Variants in TGM2 observed in about 807,000 individuals in gnomAD.
The protein encoded by TGM2 is protein-glutamine gamma-glutamyltransferase 2.
In TGM2, 53 loss-of-function variants were observed where a neutral mutation model predicts 75.6. The ratio of observed to expected loss-of-function variants is 0.70; its 90% CI spans 0.56 to 0.88. The LOEUF (loss-of-function observed/expected upper bound fraction) is 0.88. TGM2 is among the 40% of genes least tolerant of loss of function. The pLI, the probability that TGM2 is intolerant of heterozygous loss-of-function variation, is 0.00. For synonymous variants in TGM2, 374 were observed against 381.1 expected (o/e 0.98, Z 0.22); for missense variants, 842 against 928.5 (o/e 0.91, Z 1.21).
At chr20:38,164,099 A>C (rs957468072) in intron 1 of TGM2, among the ~76,000 whole-genome samples, 4 of 152,172 alleles carry the variant, frequency 2.6e-5, no homozygotes, top group African/African-American at 9.7e-5. Flanking sequence ...TCCCAGCCCC[A>C]CTGAGCCCTG....
intron 5 of TGM2, 57 bp from the exon 6 acceptor site, chr20:38,146,951 G>A (rs542664390): frequency 1.4e-5 from 21 of 1,555,462 alleles, no homozygotes; most frequent in South Asian, 1.0e-4. Flanking sequence ...CGGCTGTGCC[G>A]CCTGGGTGAG....
chr20:38,161,733 C>T, intron 1 of TGM2, 134 bp from the exon 2 acceptor site: 2 of 1,067,570 alleles, frequency 1.9e-6, no homozygotes, highest in East Asian at 2.5e-5. Flanking sequence ...TTCGACTGAC[C>T]TGTCTCCCCA....
intron 2 of TGM2, among the ~76,000 whole-genome samples, chr20:38,157,858 T>C (rs751062920): frequency 6.6e-6 from 1 of 152,156 alleles, no homozygotes; most frequent in African/African-American, 2.4e-5. Flanking sequence ...CTATCGTCAG[T>C]GTTATTAAAA....
At chr20:38,148,336 G>C (rs1009967654) in intron 4 of TGM2, among the ~76,000 whole-genome samples, 1 of 152,210 alleles carries the variant, frequency 6.6e-6, no homozygotes, top group Non-Finnish European at 1.5e-5. Flanking sequence ...CCAGGGCCTG[G>C]TTGGGGGAAC....
In TGM2 at chr20:38,128,577, T is replaced by C. The variant is rs2074790453; in HGVS notation, c.*1642A>G. Reference sequence around the variant, plus strand: ...ATAAAACCGTAGAGAAATAGAGCTCTATGTATAGAGAAAATATACATGTTG... The same window carrying C: ...ATAAAACCGTAGAGAAATAGAGCTCCATGTATAGAGAAAATATACATGTTG... On this transcript the variant is annotated 3_prime_UTR_variant, in exon 13 of 13. Transcript: ENST00000361475. 1 of 152,256 alleles carries C rather than the reference T, an allele frequency of 6.6e-6. No homozygotes were observed. Among genetic ancestry groups the C allele is most frequent in the South Asian group, 2.1e-4 (1 of 4,836 alleles). The allele number at this position is 152,256 out of a possible 1,614,324, so 9.4% of individuals were successfully genotyped here.
intron 10 of TGM2, among the ~76,000 whole-genome samples, chr20:38,135,562 CAGCA>C (rs2074889683): frequency 2.0e-5 from 3 of 152,144 alleles, no homozygotes; most frequent in African/African-American, 7.2e-5. Flanking sequence ...AGGCAGCAGG[CAGCA>C]GGCAGCAGGA....
At chr20:38,155,310 T>C (rs1430702656) in intron 3 of TGM2, among the ~76,000 whole-genome samples, 1 of 152,078 alleles carries the variant, frequency 6.6e-6, no homozygotes, top group African/African-American at 2.4e-5. Flanking sequence ...CCTTGGTAAA[T>C]ATGTGGAATT....
Position 38,161,451 on chromosome 20 carries a change from A to G in TGM2, c.159T>C (p.Ser53=), listed in dbSNP as rs1004407317. ...CGACACTGAAGGTGAGACTGTCTACACTGGCCTCGTAGTTGCGGCCCTCAA... is the reference window on the plus strand; with the variant it reads ...CGACACTGAAGGTGAGACTGTCTACGCTGGCCTCGTAGTTGCGGCCCTCAA... ...LHFEGRNYEA[S]VDSLTFSVVT... The change falls in exon 2 of 13, where the codon AGT becomes AGC. Residue 53 remains serine (S), a synonymous_variant. Coordinates refer to ENST00000361475, the MANE Select transcript of TGM2 (RefSeq NM_004613.4). 1 of 1,614,156 alleles carries G rather than the reference A, an allele frequency of 6.2e-7. No homozygotes were observed. The highest frequency in any genetic ancestry group is 1.1e-5 in the South Asian group (1 of 91,076).
intron 3 of TGM2, among the ~76,000 whole-genome samples, chr20:38,155,531 G>A (rs1162688296): frequency 8.6e-5 from 13 of 151,982 alleles, no homozygotes; most frequent in Admixed American, 8.5e-4. Context: ...TTTTTGTAGA[G>A]ACAGGGTCTT....
At chr20:38,167,646 G>A (rs1428661466), upstream of TGM2, among the ~76,000 whole-genome samples, 1 of 152,178 alleles carries the variant, frequency 6.6e-6, no homozygotes. Flanking sequence ...GCCCACGAGA[G>A]ATTTTTAAAC....
intron 4 of TGM2, among the ~76,000 whole-genome samples, chr20:38,150,441 A>C (rs1011790075): frequency 6.6e-5 from 10 of 152,198 alleles, no homozygotes; most frequent in African/African-American, 2.4e-4. Flanking sequence ...TTCCCAAAGT[A>C]TGGTTATTAG....
At chr20:38,165,671 A>AACACAC (rs71833660), upstream of TGM2, among the ~76,000 whole-genome samples, 5,467 of 143,246 alleles carry the variant, frequency 0.038, 134 homozygotes, top group Non-Finnish European at 0.048. Context: ...CCCCACCCCC[A>AACACAC]ACACACACAC....
Position 38,141,313 on chromosome 20 carries a change from G to A in TGM2, c.1068C>T (p.Ala356=), listed in dbSNP as rs1297900679. Residue 356 remains alanine, a synonymous_variant, in exon 8 of 13, where the codon GCC becomes GCT. Coordinates refer to ENST00000361475, the MANE Select transcript of TGM2 (RefSeq NM_004613.4). ...DLQPGYEGWQ[A]LDPTPQEKSE... is the part of the protein sequence containing the mutation. The stretch of plus-strand genomic sequence containing the variant: ...TCTTCTCCTGGGGCGTTGGGTCCAG[G>A]GCCTGCCAGCCCTCGTACCCCGGCT... 60 of 1,586,984 alleles carry A rather than the reference G, an allele frequency of 3.8e-5. No homozygotes were observed. Among genetic ancestry groups the A allele is most frequent in the Non-Finnish European group, 5.1e-5 (60 of 1,166,738 alleles).
Position 38,130,209 on chromosome 20 carries a change from C to T in TGM2, c.*10G>A. The T allele has an allele frequency of 1.9e-6, 3 of 1,613,264 alleles. No homozygotes were observed. The highest frequency in any genetic ancestry group is 2.5e-6 in the Non-Finnish European group (3 of 1,179,852). The stretch of plus-strand genomic sequence containing the variant: ...GTGGGGGCTCTCAGCAGGCTGGGAG[C>T]AGGGGTCCCTTAGGCGGGGCCAATG... On this transcript the variant is annotated 3_prime_UTR_variant, in exon 13 of 13. Coordinates refer to ENST00000361475, the MANE Select transcript of TGM2 (RefSeq NM_004613.4).
intron 6 of TGM2, among the ~76,000 whole-genome samples, chr20:38,143,449 A>T (rs762759850): frequency 6.6e-6 from 1 of 152,150 alleles, no homozygotes; most frequent in Non-Finnish European, 1.5e-5. Flanking sequence ...GTCCGGAGGG[A>T]GGGCCCTGCA....
chr20:38,135,289 G>C (rs2122859699), intron 10 of TGM2, among the ~76,000 whole-genome samples: 1 of 152,288 alleles, frequency 6.6e-6, no homozygotes, highest in Non-Finnish European at 1.5e-5. Flanking sequence ...GCACGAGAAG[G>C]AGCTGGTGGG....
At chr20:38,153,262 C>T (rs565881959) in intron 3 of TGM2, among the ~76,000 whole-genome samples, 8 of 152,108 alleles carry the variant, frequency 5.3e-5, no homozygotes, top group Admixed American at 1.3e-4. Flanking sequence ...TGGTGGCTCA[C>T]GCCTGTAATC....
In TGM2 at chr20:38,149,692, A is replaced by C. The variant is rs866437561; in HGVS notation, c.552+1247T>G. 3.0e-3 allele frequency among the ~76,000 whole-genome samples: 436 copies of C among 147,238 alleles called. 13 individuals carry two copies. Among genetic ancestry groups the C allele is most frequent in the African/African-American group, 0.011 (409 of 38,488 alleles). ...AGACTCCGCCTCAAAAAAAAAAAAA[A>C]AAAAAAAAACAGGACCCTGGGAAAT... is the stretch of plus-strand genomic sequence containing the variant. On this transcript the variant is annotated intron_variant, in intron 4 of 12. Transcript: ENST00000361475.
At chr20:38,138,850 C>T (rs1253808491) in intron 9 of TGM2, among the ~76,000 whole-genome samples, 1 of 152,228 alleles carries the variant, frequency 6.6e-6, no homozygotes, top group African/African-American at 2.4e-5. Context: ...TTCCATTTGC[C>T]TCTCTCCTGT....
Sources: gnomAD v4.1 joint callset for allele counts (sites outside exome capture counted in the v4.1 genomes callset) on GRCh38, gnomAD v4.1.1 for gene constraint, MANE v1.5 for transcripts, NCBI Gene and HGNC (gene_info 2026-07-23, HGNC 2026-07-21) for gene names.